LCTL: variants seen among roughly 807,000 people sequenced by gnomAD.
LCTL encodes the protein lactase like.
In LCTL, 76 loss-of-function variants were observed where a neutral mutation model predicts 75.8. The observed-to-expected ratio is 1.00, with a 90% confidence interval of 0.83 to 1.21. The LOEUF is 1.21. LCTL is among the 50% of genes most tolerant of loss of function. The pLI is 0.00. For synonymous variants in LCTL, 271 were observed against 268.8 expected (o/e 1.01, Z -0.08); for missense variants, 670 against 712.4 (o/e 0.94, Z 0.68).
intron 6 of LCTL, among the ~76,000 whole-genome samples, chr15:66,558,248 C>A (rs1420756146): frequency 4.6e-5 from 7 of 152,170 alleles, no homozygotes; most frequent in Non-Finnish European, 1.0e-4. Context: ...CTGGCTCAAA[C>A]AACTTTTTGT....
upstream of LCTL, chr15:66,565,809 A>AC (rs1896011326): frequency 6.3e-6 from 1 of 159,072 alleles, no homozygotes; most frequent in Non-Finnish European, 1.4e-5. Flanking sequence ...CACGAGGGAG[A>AC]CCCCTCGCTC....
chr15:66,557,777 C>T lies in LCTL; in HGVS notation c.867G>A (p.Trp289Ter), dbSNP rs776456549. 8.1e-6 allele frequency: 13 copies of T among 1,614,090 alleles called. No homozygotes were observed. In the South Asian group the frequency reaches 1.4e-4, roughly 18 times the overall value. Reference sequence around the variant, plus strand: ...CACCGGCATAAATGGGGTTGGCAAACCAGCCCAGACAGAACTGTAGGTATC... The same window carrying T: ...CACCGGCATAAATGGGGTTGGCAAATCAGCCCAGACAGAACTGTAGGTATC... Residue 289 changes from tryptophan (W) to a stop codon, truncating the protein, a stop_gained, in exon 8 of 13, where the codon TGG becomes TGA. Coordinates refer to ENST00000341509, the Ensembl canonical transcript of LCTL. LOFTEE classifies it high-confidence loss of function.
exon 6 of LCTL, chr15:66,561,081 A>G (rs995353764): frequency 6.2e-6 from 10 of 1,614,064 alleles, no homozygotes; most frequent in Non-Finnish European, 6.8e-6. Flanking sequence ...GGCCCGTCTC[A>G]TAGCCTTTTT....
chr15:66,558,862 ATTTTT>A (rs1342088415), intron 6 of LCTL, among the ~76,000 whole-genome samples: 1 of 151,246 alleles, frequency 6.6e-6, no homozygotes, highest in Non-Finnish European at 1.5e-5. Context: ...CACCTGGCTA[ATTTTT>A]GTACTTTTAG....
At chr15:66,560,920 G>T in intron 6 of LCTL, 86 bp downstream of exon 7, 1 of 1,163,286 alleles carries the variant, frequency 8.6e-7, no homozygotes, top group South Asian at 1.3e-5. Context: ...GAGGTGGAGC[G>T]GCAGAGGACC....
chr15:66,556,205 G>A (rs1014180173), intron 8 of LCTL, among the ~76,000 whole-genome samples: 7 of 152,118 alleles, frequency 4.6e-5, no homozygotes, highest in South Asian at 2.1e-4. Context: ...TTGTACACCC[G>A]TGTTTTTAGC....
chr15:66,548,269 AT>A, exon 13 of LCTL: 1 of 346,868 alleles, frequency 2.9e-6, no homozygotes, highest in Non-Finnish European at 5.2e-6. Context: ...AAATCTTAAC[AT>A]TAACTTTAGG....
At chr15:66,553,137 G>A in exon 9 of LCTL, 1 of 1,612,128 alleles carries the variant, frequency 6.2e-7, no homozygotes, top group Non-Finnish European at 8.5e-7. Context: ...TTTCCGTGAT[G>A]TACCGAGTAG....
chr15:66,550,177 A>G (rs1895544155), intron 11 of LCTL, 73 bp from the exon 13 acceptor site: 2 of 818,326 alleles, frequency 2.4e-6, no homozygotes, highest in Non-Finnish European at 4.1e-6. Flanking sequence ...TTTTTGAAAT[A>G]AATGTGGGGT....
At chr15:66,561,419 A>G (rs1437028347) in intron 4 of LCTL, 104 bp from the exon 6 acceptor site, 1 of 1,282,914 alleles carries the variant, frequency 7.8e-7, no homozygotes, top group Non-Finnish European at 1.1e-6. Context: ...GGGAGGCCGC[A>G]CAGGGAGACT....
intron 6 of LCTL, 73 bp downstream of exon 7, chr15:66,560,933 G>A (rs1895869778): frequency 7.2e-7 from 1 of 1,397,726 alleles, no homozygotes. Context: ...AGAGGACCAA[G>A]CTCAGGCTAG....
intron 11 of LCTL, among the ~76,000 whole-genome samples, chr15:66,551,279 G>A (rs1895587528): frequency 6.7e-6 from 1 of 149,500 alleles, no homozygotes; most frequent in Non-Finnish European, 1.5e-5. Context: ...CCCAAGAAGC[G>A]GAGGTTGCAG....
chr15:66,555,555 A>AG (rs1312807864), intron 8 of LCTL, among the ~76,000 whole-genome samples: 1 of 152,124 alleles, frequency 6.6e-6, no homozygotes, highest in Non-Finnish European at 1.5e-5. Flanking sequence ...ATAAAAAAAA[A>AG]GAAAGAAAGA....
chr15:66,564,971 G>C, intron 1 of LCTL, 132 bp from the exon 3 acceptor site: 1 of 830,480 alleles, frequency 1.2e-6, no homozygotes, highest in Non-Finnish European at 1.9e-6. Context: ...CTGGGGACTT[G>C]TCTTCCTAGG....
intron 4 of LCTL, 131 bp downstream of exon 5, chr15:66,563,385 G>T: frequency 3.5e-6 from 2 of 568,690 alleles, no homozygotes; most frequent in Admixed American, 3.0e-5. Flanking sequence ...TCACTCACTC[G>T]CATCTTATAG....
intron 11 of LCTL, among the ~76,000 whole-genome samples, chr15:66,550,671 A>G (rs73474174): frequency 0.035 from 5,295 of 151,696 alleles, 332 homozygotes; most frequent in African/African-American, 0.12. Context: ...TAGAAATGAT[A>G]TCTTGCTATG....
At chr15:66,548,215 C>A in exon 13 of LCTL, 1 of 241,484 alleles carries the variant, frequency 4.1e-6, no homozygotes, top group Non-Finnish European at 8.1e-6. Context: ...ACTATGATGC[C>A]ATTTTTGTAA....
intron 8 of LCTL, among the ~76,000 whole-genome samples, chr15:66,556,936 A>G (rs569005746): frequency 6.9e-6 from 1 of 145,354 alleles, no homozygotes; most frequent in African/African-American, 2.6e-5. Context: ...CCACAATAAA[A>G]AAAAATTGGG....
At chr15:66,564,695 T>C (rs2140855874) in exon 2 of LCTL, 1 of 1,612,840 alleles carries the variant, frequency 6.2e-7, no homozygotes. Context: ...GTAGTAGCCG[T>C]CACAGGCTAC....
Sources: gnomAD v4.1 joint callset for allele counts (sites outside exome capture counted in the v4.1 genomes callset) on GRCh38, gnomAD v4.1.1 for gene constraint, MANE v1.5 for transcripts, NCBI Gene and HGNC (gene_info 2026-07-23, HGNC 2026-07-21) for gene names.